Variants in MYH10 observed in about 807,000 individuals in gnomAD.
MYH10 encodes the protein myosin-10.
Under a neutral mutation model 257.8 loss-of-function variants are expected in MYH10, and 55 were observed. The observed-to-expected ratio is 0.21, with a 90% confidence interval of 0.17 to 0.27. The LOEUF (loss-of-function observed/expected upper bound fraction) is 0.27, where lower values mean the gene tolerates loss of function less well. MYH10 is among the 10% of genes least tolerant of loss of function. The pLI is 1.00. For synonymous variants in MYH10, 854 were observed against 921.7 expected, an observed-to-expected ratio of 0.93 and a Z score of 1.33; for missense variants, 1,631 against 2,500.6, an observed-to-expected ratio of 0.65 and a Z score of 7.42.
At chr17:8,586,106 C>T (rs1386140817) in intron 4 of MYH10, among the ~76,000 whole-genome samples, 1 of 152,128 alleles carries the variant, frequency 6.6e-6, no homozygotes, top group Admixed American at 6.6e-5. Flanking sequence ...GAAAAGCATG[C>T]CCTTTAGCAC....
At chr17:8,516,384 G>C (rs1190849783) in intron 21 of MYH10, among the ~76,000 whole-genome samples, 3 of 152,126 alleles carry the variant, frequency 2.0e-5, no homozygotes, top group Non-Finnish European at 2.9e-5. Context: ...CTTTTGAATA[G>C]GTTATCTTCT....
At position 8,545,666 on chromosome 17, in the gene MYH10, T is replaced by C; in HGVS notation, c.1279-66A>G. 6.5e-7 allele frequency: 1 copy of C among 1,539,758 alleles called. No homozygotes were observed. Among genetic ancestry groups the C allele is most frequent in the Non-Finnish European group, 8.8e-7 (1 of 1,137,614 alleles). ...CTCAACAAAGCATAAATAGCTGTTT[T>C]ACGGAATTTAATGTTATACAGCACT... On this transcript the variant is annotated intron_variant, in intron 12 of 42. Coordinates refer to ENST00000360416, the MANE Select transcript of MYH10 (RefSeq NM_001256012.3). This position sits in a 1 kb window ranked among gnomAD's most constrained non-coding sequence, Gnocchi z 4.7.
chr17:8,481,264 T>C (rs917631869), intron 38 of MYH10, 58 bp downstream of exon 38: 1 of 1,541,042 alleles, frequency 6.5e-7, no homozygotes, highest in African/African-American at 1.4e-5. Context: ...CCTCCAGCCT[T>C]CTCAGCAGTG....
chr17:8,480,430 T>C lies in MYH10; in HGVS notation c.5360A>G (p.Asn1787Ser), dbSNP rs772808442. The change falls in exon 39 of 43, where the codon AAC becomes AGC. Residue 1787 changes from asparagine (N) to serine (S), a missense_variant. Around this residue, in one of 11 missense-constraint regions of MYH10, gnomAD observed 343 missense variants for 389.5 expected, o/e 0.88. Coordinates refer to ENST00000360416, the MANE Select transcript of MYH10 (RefSeq NM_001256012.3). ...TAGAGTGGTCTTGCGGAAGCGGTCG[T>C]TGAGCAGCTCCATGTTGCTCTGCTC... Reference protein sequence around the residue: ...EEEQSNMELLNDRFRKTTLQV... With the variant: ...EEEQSNMELLSDRFRKTTLQV... 1.9e-6 allele frequency: 3 copies of C among 1,613,338 alleles called. No individual in the cohort carries two copies. Among genetic ancestry groups the C allele is most frequent in the Non-Finnish European group, 1.7e-6 (2 of 1,180,020 alleles).
At chr17:8,583,416 T>C (rs1317123692) in intron 4 of MYH10, among the ~76,000 whole-genome samples, 1 of 152,206 alleles carries the variant, frequency 6.6e-6, no homozygotes, top group Non-Finnish European at 1.5e-5. Flanking sequence ...TACCTTTTTT[T>C]TTTTAACAAG....
At position 8,552,245 on chromosome 17, in the gene MYH10, T is replaced by G; in HGVS notation, c.821-101A>C. 2.0e-6 allele frequency: 1 copy of G among 506,984 alleles called. No homozygotes were observed. 31.4% of individuals were successfully genotyped at this position (506,984 alleles called of 1,614,324 possible). A position where few individuals can be genotyped will look rare whatever the true frequency, so the allele number is the denominator to read the frequency against. On this transcript the variant is annotated intron_variant, in intron 8 of 42. Transcript: ENST00000360416. The surrounding 1 kb of genome is among the most constrained non-coding windows in gnomAD (Gnocchi z 4.8). Reference sequence around the variant, plus strand: ...AAATTTAAATCATAAAACATCTTCTTTCTCTGATTATTATATAAACTATCC... The same window carrying G: ...AAATTTAAATCATAAAACATCTTCTGTCTCTGATTATTATATAAACTATCC...
At chr17:8,482,776 A>C (rs1914062988) in intron 37 of MYH10, among the ~76,000 whole-genome samples, 1 of 152,226 alleles carries the variant, frequency 6.6e-6, no homozygotes, top group East Asian at 1.9e-4. Flanking sequence ...TTCAGAAAAA[A>C]CAGTGTGGTA....
At chr17:8,595,590 AC>A (rs540683455) in intron 3 of MYH10, among the ~76,000 whole-genome samples, 66 of 151,490 alleles carry the variant, frequency 4.4e-4, no homozygotes, top group African/African-American at 1.6e-3. Context: ...TCGCCACCAC[AC>A]CCGGCTAATT....
intron 25 of MYH10, 103 bp downstream of exon 25, chr17:8,509,709 G>C: frequency 8.7e-7 from 1 of 1,155,218 alleles, no homozygotes; most frequent in South Asian, 2.2e-5. Flanking sequence ...CTAAAATCTT[G>C]AGAAATTTCT....
Position 8,545,660 on chromosome 17 carries a change from C to T in MYH10, c.1279-60G>A, listed in dbSNP as rs1361388711. The stretch of plus-strand genomic sequence containing the variant: ...AACAATCTCAACAAAGCATAAATAG[C>T]TGTTTTACGGAATTTAATGTTATAC... On this transcript the variant is annotated intron_variant, in intron 12 of 42. Coordinates refer to ENST00000360416, the MANE Select transcript of MYH10 (RefSeq NM_001256012.3). The surrounding 1 kb of genome is among the most constrained non-coding windows in gnomAD (Gnocchi z 4.7). The T allele has an allele frequency of 8.4e-6, 13 of 1,554,818 alleles. No homozygotes were observed. The East Asian group carries it at 2.5e-4, about 30-fold the overall frequency.
chr17:8,612,964 A>G lies in MYH10; in HGVS notation c.346-7982T>C, dbSNP rs1316383750. On this transcript the variant is annotated intron_variant, in intron 2 of 42. Coordinates refer to ENST00000360416, the MANE Select transcript of MYH10 (RefSeq NM_001256012.3). Reference sequence around the variant, plus strand: ...GCATCCACTGGGGATCTTAGAATGTATCCCTTGAAGACAAGGAGGACCCAC... The same window carrying G: ...GCATCCACTGGGGATCTTAGAATGTGTCCCTTGAAGACAAGGAGGACCCAC... 2.6e-5 allele frequency among the ~76,000 whole-genome samples: 4 copies of G among 152,308 alleles called. No individual in the cohort carries two copies. In the East Asian group the frequency reaches 7.7e-4, roughly 29 times the overall value.
chr17:8,550,653 A>C (rs1312407237), intron 9 of MYH10, among the ~76,000 whole-genome samples: 1 of 152,216 alleles, frequency 6.6e-6, no homozygotes, highest in Non-Finnish European at 1.5e-5. Flanking sequence ...CCAGCAGCTC[A>C]TTGAGAGCGG....
intron 4 of MYH10, among the ~76,000 whole-genome samples, chr17:8,579,025 C>T (rs1423027662): frequency 1.3e-5 from 2 of 152,126 alleles, no homozygotes; most frequent in African/African-American, 4.8e-5. Context: ...GGGGCTCATC[C>T]TGGGACTTTG....
chr17:8,484,587 G>A (rs1047276881), intron 36 of MYH10, among the ~76,000 whole-genome samples: 1 of 152,088 alleles, frequency 6.6e-6, no homozygotes, highest in Non-Finnish European at 1.5e-5. Context: ...ATCTTCAACA[G>A]AATAGTAGCA....
chr17:8,510,644 T>C (rs550073974), intron 24 of MYH10, among the ~76,000 whole-genome samples: 23 of 152,336 alleles, frequency 1.5e-4, no homozygotes, highest in African/African-American at 4.6e-4. Context: ...TTTGGAATAA[T>C]AGCAACACAG....
intron 35 of MYH10, among the ~76,000 whole-genome samples, chr17:8,488,725 C>T (rs1915275966): frequency 6.6e-6 from 1 of 152,068 alleles, no homozygotes; most frequent in Admixed American, 6.5e-5. Flanking sequence ...TGCTGCTGCT[C>T]TGCAGGGGTT....
intron 3 of MYH10, among the ~76,000 whole-genome samples, chr17:8,600,857 C>T (rs1421948887): frequency 6.6e-6 from 1 of 152,064 alleles, no homozygotes; most frequent in African/African-American, 2.4e-5. Flanking sequence ...TGGACTCATA[C>T]CCCGTATGTG....
intron 28 of MYH10, among the ~76,000 whole-genome samples, chr17:8,503,005 G>C (rs1487902839): frequency 6.6e-6 from 1 of 152,226 alleles, no homozygotes; most frequent in Non-Finnish European, 1.5e-5. Flanking sequence ...GGTAAGGGCT[G>C]GGCGCGGTGG....
Position 8,480,301 on chromosome 17 carries a change from G to A in MYH10, c.5406C>T (p.Ala1802=), listed in dbSNP as rs201995528. ...KTTLQVDTLN[A]ELAAERSAAQ... ...CGGCGCTGCGCTCGGCTGCTAGCTC[G>A]GCGTTCAGTGTGTCCACCTAGAGAG... Residue 1802 remains alanine (A), a synonymous_variant, in exon 40 of 43, where the codon GCC becomes GCT. Coordinates refer to ENST00000360416, the MANE Select transcript of MYH10 (RefSeq NM_001256012.3). 6.4e-5 allele frequency: 103 copies of A among 1,613,938 alleles called. No homozygotes were observed. Among genetic ancestry groups the A allele is most frequent in the South Asian group, 7.7e-5 (7 of 91,080 alleles).
Sources: allele counts gnomAD v4.1 joint callset (sites outside exome capture counted in the v4.1 genomes callset), GRCh38; gene constraint gnomAD v4.1.1; regional missense constraint gnomAD v4.1.1; non-coding constraint Gnocchi (gnomAD v3.1); transcripts MANE v1.5; gene names NCBI Gene and HGNC (gene_info 2026-07-23, HGNC 2026-07-21).